WDR25: variants seen among roughly 807,000 people sequenced by gnomAD.
WDR25 encodes the protein WD repeat-containing protein 25.
In WDR25, 35 loss-of-function variants were observed where a neutral mutation model predicts 47.7. That is an observed-to-expected ratio of 0.73 (90% CI 0.56 to 0.97). The LOEUF (loss-of-function observed/expected upper bound fraction) is 0.97, where lower values mean the gene tolerates loss of function less well. WDR25 is among the 50% of genes least tolerant of loss of function. WDR25 has a pLI of 0.00. For synonymous variants in WDR25, 248 were observed against 278.9 expected (o/e 0.89, Z 1.10); for missense variants, 634 against 704.7 (o/e 0.90, Z 1.14).
chr14:100,379,407 A>C (rs545112656), intron 1 of WDR25, among the ~76,000 whole-genome samples: 1 of 101,522 alleles, frequency 9.9e-6, no homozygotes, highest in African/African-American at 3.7e-5. Flanking sequence ...TTTTTTTTTG[A>C]GATGGAGTCT....
chr14:100,387,709 C>G (rs140185418), intron 2 of WDR25, among the ~76,000 whole-genome samples: 1 of 152,216 alleles, frequency 6.6e-6, no homozygotes, highest in Non-Finnish European at 1.5e-5. Context: ...TAGAGGCAAG[C>G]AGGGAAGCTT....
chr14:100,513,983 A>T (rs1352816555), intron 4 of WDR25, among the ~76,000 whole-genome samples: 1 of 149,736 alleles, frequency 6.7e-6, no homozygotes, highest in African/African-American at 2.5e-5. Flanking sequence ...TGGCCCAGGC[A>T]GGAGTGCAGT....
chr14:100,515,348 C>A (rs1249856319), intron 4 of WDR25, among the ~76,000 whole-genome samples: 1 of 152,086 alleles, frequency 6.6e-6, no homozygotes, highest in Non-Finnish European at 1.5e-5. Context: ...AACCCCACCC[C>A]TCATCTCCCT....
intron 2 of WDR25, among the ~76,000 whole-genome samples, chr14:100,396,268 G>A (rs956381763): frequency 3.3e-5 from 5 of 152,118 alleles, no homozygotes; most frequent in Non-Finnish European, 2.9e-5. Context: ...GAACCACTGC[G>A]CCCGGCCGAA....
rs893122271 is a variant in WDR25 at position 100,525,677 on chromosome 14, GA to G, written c.1102-192del. Among the ~76,000 whole-genome samples the G allele has an allele frequency of 1.3e-5, 2 of 152,204 alleles. No individual in the cohort carries two copies. Among genetic ancestry groups the G allele is most frequent in the African/African-American group, 4.8e-5 (2 of 41,454 alleles). ...GAGCAGGGGGGCTGAGAAGCTGACA[GA>G]CACTGGACTGGGCATGGGGCAGGAG... On this transcript the variant is annotated intron_variant, in intron 4 of 6. Transcript: ENST00000402312. The surrounding 1 kb of genome is among the most constrained non-coding windows in gnomAD (Gnocchi z 4.6).
chr14:100,486,122 T>C (rs950429180), intron 4 of WDR25, among the ~76,000 whole-genome samples: 6 of 151,662 alleles, frequency 4.0e-5, no homozygotes, highest in African/African-American at 1.5e-4. Flanking sequence ...CATTTGAACG[T>C]GCCTTGTGAA....
At chr14:100,419,073 T>A (rs543749875) in intron 2 of WDR25, among the ~76,000 whole-genome samples, 9 of 151,918 alleles carry the variant, frequency 5.9e-5, no homozygotes, top group African/African-American at 2.2e-4. Flanking sequence ...ACAAAAAAAA[T>A]TAGCTAGGTG....
intron 4 of WDR25, among the ~76,000 whole-genome samples, chr14:100,512,291 TTC>T (rs1901336970): frequency 1.3e-5 from 2 of 152,214 alleles, no homozygotes; most frequent in Non-Finnish European, 2.9e-5. Context: ...TATAGGGCTA[TTC>T]TGATTTTCTA....
chr14:100,499,568 G>C lies in WDR25; in HGVS notation c.1101+15444G>C, dbSNP rs915148420. Among the ~76,000 whole-genome samples the C allele has an allele frequency of 6.6e-6, 1 of 152,182 alleles. No individual in the cohort carries two copies. The highest frequency in any genetic ancestry group is 2.4e-5 in the African/African-American group (1 of 41,432). On this transcript the variant is annotated intron_variant, in intron 4 of 6. Transcript: ENST00000402312. This position sits in a 1 kb window ranked among gnomAD's most constrained non-coding sequence, Gnocchi z 4.4. ...GTTTGCTTGTTTTCAGTGTAGGTGA[G>C]ACTTATGCATGTTCACCTGCATCCT... is the stretch of plus-strand genomic sequence containing the variant.
chr14:100,471,316 T>G lies in WDR25; in HGVS notation c.970+3148T>G, dbSNP rs372509824. Among the ~76,000 whole-genome samples the G allele has an allele frequency of 4.1e-4, 62 of 152,310 alleles. 1 individual carries two copies. In the East Asian group the frequency reaches 9.3e-3, roughly 23 times the overall value. On this transcript the variant is annotated intron_variant, in intron 3 of 6. Coordinates refer to ENST00000402312, the MANE Select transcript of WDR25 (RefSeq NM_001161476.3). ...TGCTGAGTTTGTCCTTGCCAGGTCC[T>G]CCTATCTGGGCAGTGAAGCCCATCA...
intron 2 of WDR25, among the ~76,000 whole-genome samples, chr14:100,421,107 C>CG (rs1206824982): frequency 1.3e-5 from 2 of 152,152 alleles, no homozygotes; most frequent in African/African-American, 4.8e-5. Context: ...ACATTCCATT[C>CG]GGCCAAAACT....
rs2140297643 is a variant in WDR25 at position 100,468,745 on chromosome 14, C to T, written c.970+577C>T. On this transcript the variant is annotated intron_variant, in intron 3 of 6. Coordinates refer to ENST00000402312, the MANE Select transcript of WDR25 (RefSeq NM_001161476.3). The surrounding 1 kb of genome is among the most constrained non-coding windows in gnomAD (Gnocchi z 4.5). Reference sequence around the variant, plus strand: ...TTACTCAGCGCTCCTGTGCAACAGGCACTGTCAATACCCACCGCAGCCACA... The same window carrying T: ...TTACTCAGCGCTCCTGTGCAACAGGTACTGTCAATACCCACCGCAGCCACA... 6.6e-6 allele frequency among the ~76,000 whole-genome samples: 1 copy of T among 152,212 alleles called. No homozygotes were observed. The highest frequency in any genetic ancestry group is 6.5e-5 in the Admixed American group (1 of 15,292).
At position 100,497,234 on chromosome 14, in the gene WDR25, A is replaced by G. The variant is rs78663690; in HGVS notation, c.1101+13110A>G. Among the ~76,000 whole-genome samples, 796 of 152,224 alleles carry G rather than the reference A, an allele frequency of 5.2e-3. 26 individuals are homozygous for G. In the East Asian group the frequency reaches 0.066, roughly 13 times the overall value. The stretch of plus-strand genomic sequence containing the variant: ...TGGGTGGAGTGTTGTATAAATGGCA[A>G]TTTGGTCAATTGGTTGATGACGGTG... On this transcript the variant is annotated intron_variant, in intron 4 of 6. Coordinates refer to ENST00000402312, the MANE Select transcript of WDR25 (RefSeq NM_001161476.3).
At chr14:100,419,111 A>G (rs2140208403) in intron 2 of WDR25, among the ~76,000 whole-genome samples, 1 of 151,596 alleles carries the variant, frequency 6.6e-6, no homozygotes, top group South Asian at 2.1e-4. Context: ...AATCACAGCT[A>G]CTTGGGAGGC....
rs1359556062 is a variant in WDR25, at chr14:100,468,143, G to A, written c.945G>A (p.Ala315=). The A allele has an allele frequency of 1.8e-5, 29 of 1,613,286 alleles. No individual in the cohort carries two copies. The highest frequency in any genetic ancestry group is 2.2e-5 in the Non-Finnish European group (26 of 1,180,012). ...RRILSGGFDF[A]LHLTDLETGT... is the part of the protein sequence containing the mutation. ...TCCTCAGTGGTGGCTTTGACTTCGC[G>A]CTGCACCTAACAGACCTTGAAACAG... is the stretch of plus-strand genomic sequence containing the variant. The change falls in exon 3 of 7, where the codon GCG becomes GCA. Residue 315 remains alanine, a synonymous_variant. Coordinates refer to ENST00000402312, the MANE Select transcript of WDR25 (RefSeq NM_001161476.3). This position sits in a 1 kb window ranked among gnomAD's most constrained non-coding sequence, Gnocchi z 4.5.
intron 2 of WDR25, among the ~76,000 whole-genome samples, chr14:100,405,512 AG>A (rs1276307264): frequency 6.6e-6 from 1 of 152,184 alleles, no homozygotes; most frequent in Non-Finnish European, 1.5e-5. Flanking sequence ...GCTGGGGTGC[AG>A]GGGATGGGGA....
intron 2 of WDR25, among the ~76,000 whole-genome samples, chr14:100,418,495 G>A (rs941084835): frequency 6.6e-6 from 1 of 151,958 alleles, no homozygotes; most frequent in African/African-American, 2.4e-5. Flanking sequence ...AGCTGGGCGT[G>A]GTGGTGCACA....
intron 2 of WDR25, among the ~76,000 whole-genome samples, chr14:100,400,620 A>G (rs1897355758): frequency 6.6e-6 from 1 of 152,244 alleles, no homozygotes; most frequent in African/African-American, 2.4e-5. Context: ...AAATTCAAAC[A>G]TTATTTGTGA....
chr14:100,397,744 G>A (rs1457309910), intron 2 of WDR25, among the ~76,000 whole-genome samples: 1 of 152,212 alleles, frequency 6.6e-6, no homozygotes, highest in Non-Finnish European at 1.5e-5. Context: ...AGGCAGGGAG[G>A]TGTACAAGAG....
Sources: allele counts gnomAD v4.1 joint callset (sites outside exome capture counted in the v4.1 genomes callset), GRCh38; gene constraint gnomAD v4.1.1; non-coding constraint Gnocchi (gnomAD v3.1); transcripts MANE v1.5; gene names NCBI Gene and HGNC (gene_info 2026-07-23, HGNC 2026-07-21).